FAM167A: variants seen among roughly 807,000 people sequenced by gnomAD.
FAM167A encodes the protein protein FAM167A.
In FAM167A, 23 loss-of-function variants were observed where a neutral mutation model predicts 14.9. The ratio of observed to expected loss-of-function variants is 1.55; its 90% CI spans 1.11 to 2.19. The LOEUF (loss-of-function observed/expected upper bound fraction) is 2.19, where lower values mean the gene tolerates loss of function less well. Ranked by LOEUF, FAM167A falls within the 30% of genes most tolerant of loss-of-function variation. The pLI, the probability that FAM167A is intolerant of heterozygous loss-of-function variation, is 0.00. For missense variants in FAM167A, 401 were observed against 281.5 expected, an observed-to-expected ratio of 1.42 and a Z score of -3.04; for synonymous variants, 174 against 117.7, an observed-to-expected ratio of 1.48 and a Z score of -3.10.
chr8:11,459,757 C>T (rs1807465352), intron 1 of FAM167A, among the ~76,000 whole-genome samples: 1 of 152,210 alleles, frequency 6.6e-6, no homozygotes, highest in Admixed American at 6.5e-5. Flanking sequence ...TCTTCTCACC[C>T]AGGCTGGAAT....
Position 11,452,596 on chromosome 8 carries a change from C to T in FAM167A, c.-397-7788G>A, listed in dbSNP as rs1237990265. Among the ~76,000 whole-genome samples the T allele has an allele frequency of 2.0e-5, 3 of 152,220 alleles. No homozygotes were observed. The East Asian group carries it at 5.8e-4, about 29-fold the overall frequency. Reference sequence around the variant, plus strand: ...CTCCCTCCCTTCTCATCATCAGCCTCCACCCCACGAGGTTGCCTCGGGTCT... The same window carrying T: ...CTCCCTCCCTTCTCATCATCAGCCTTCACCCCACGAGGTTGCCTCGGGTCT... On this transcript the variant is annotated intron_variant, in intron 1 of 2. Transcript: ENST00000284486.
chr8:11,438,006 C>T (rs1806150702), intron 2 of FAM167A: 3 of 360,474 alleles, frequency 8.3e-6, no homozygotes, highest in Non-Finnish European at 1.6e-5. Flanking sequence ...CACACCATGC[C>T]ACTGTGTTTA....
rs374453945 is a variant in FAM167A at position 11,443,108 on chromosome 8, G to A, written c.381+923C>T. Among the ~76,000 whole-genome samples the A allele has an allele frequency of 5.6e-4, 85 of 152,346 alleles. No homozygotes were observed. In the South Asian group the frequency reaches 0.014, roughly 25 times the overall value. ...TGTGGCCAGAGTGGCCTGACTCGCA[G>A]GTGTCACCTGGGCCTCAGGGACGGG... is the stretch of plus-strand genomic sequence containing the variant. On this transcript the variant is annotated intron_variant, in intron 2 of 2. Coordinates refer to ENST00000284486, the MANE Select transcript of FAM167A (RefSeq NM_053279.3).
chr8:11,457,563 GCTT>G (rs1439497877), intron 1 of FAM167A, among the ~76,000 whole-genome samples: 1 of 152,108 alleles, frequency 6.6e-6, no homozygotes, highest in Non-Finnish European at 1.5e-5. Context: ...GCAGGCAGGG[GCTT>G]CCGAATTCTG....
chr8:11,444,078 C>T lies in FAM167A; in HGVS notation c.334G>A (p.Gly112Ser). 1 of 1,613,580 alleles carries T rather than the reference C, an allele frequency of 6.2e-7. No individual in the cohort carries two copies. ...ARPLSTGKLE[G>S]FQSIDEAIAW... is the part of the protein sequence containing the mutation. ...ATAGCTTCATCGATGCTCTGAAAGC[C>T]TTCCAGCTTGCCAGTGGACAGGGGT... Residue 112 changes from glycine to serine, a missense_variant, in exon 2 of 3, where the codon GGC (glycine) becomes AGC (serine). Gly to Ser is a moderately conservative substitution (Grantham distance 56). Coordinates refer to ENST00000284486, the MANE Select transcript of FAM167A (RefSeq NM_053279.3).
upstream of FAM167A, chr8:11,466,867 C>A (rs1280517176): frequency 6.6e-6 from 1 of 152,236 alleles, no homozygotes; most frequent in Admixed American, 6.5e-5. Flanking sequence ...CCCGGCCTCG[C>A]GTTCTCGCCC....
intron 1 of FAM167A, chr8:11,446,754 T>G (rs1806802015): frequency 6.6e-6 from 1 of 152,232 alleles, no homozygotes. Flanking sequence ...GAGTCTCCTG[T>G]GCAGTTTCAC....
chr8:11,459,069 TTCTC>T (rs917184032), intron 1 of FAM167A, among the ~76,000 whole-genome samples: 2 of 152,262 alleles, frequency 1.3e-5, no homozygotes, highest in Non-Finnish European at 2.9e-5. Flanking sequence ...ATGACTACTT[TTCTC>T]TCTATCACCC....
Position 11,423,277 on chromosome 8 carries a change from G to A in FAM167A, c.*1096C>T, listed in dbSNP as rs922671993. ...TCTTAACTTGCTGATCCTCAAGCCT[G>A]TTGGGAGGGAGAAACTCTTAAAATC... On this transcript the variant is annotated 3_prime_UTR_variant, in exon 3 of 3. Transcript: ENST00000284486. 1 of 152,412 alleles carries A rather than the reference G, an allele frequency of 6.6e-6. No homozygotes were observed. The highest frequency in any genetic ancestry group is 2.4e-5 in the African/African-American group (1 of 41,456). The allele number at this position is 152,412 out of a possible 1,614,324, so 9.4% of individuals were successfully genotyped here.
At chr8:11,431,408 G>A (rs533964775) in intron 2 of FAM167A, among the ~76,000 whole-genome samples, 21 of 152,236 alleles carry the variant, frequency 1.4e-4, no homozygotes, top group South Asian at 8.3e-4. Flanking sequence ...GGGAGTTAGC[G>A]TTTAGTGAGC....
At chr8:11,437,590 C>T (rs1806115167) in intron 2 of FAM167A, among the ~76,000 whole-genome samples, 1 of 151,898 alleles carries the variant, frequency 6.6e-6, no homozygotes, top group African/African-American at 2.4e-5. Flanking sequence ...AGTTAATGAG[C>T]CAGTTGTATT....
intron 1 of FAM167A, among the ~76,000 whole-genome samples, chr8:11,448,127 G>A (rs751864593): frequency 3.3e-5 from 5 of 151,882 alleles, no homozygotes; most frequent in African/African-American, 4.8e-5. Context: ...CCAGGAGGCA[G>A]AGGTTGCAGT....
At chr8:11,472,446 T>C (rs1156629593), upstream of FAM167A, among the ~76,000 whole-genome samples, 1 of 148,764 alleles carries the variant, frequency 6.7e-6, no homozygotes, top group Non-Finnish European at 1.5e-5. Flanking sequence ...GGTTTTTTTT[T>C]TTTTTTTTTT....
At chr8:11,436,335 G>C (rs1323154363) in intron 2 of FAM167A, among the ~76,000 whole-genome samples, 2 of 152,236 alleles carry the variant, frequency 1.3e-5, no homozygotes, top group Non-Finnish European at 2.9e-5. Context: ...CCCCTGGAGA[G>C]CAAGTGGGGG....
chr8:11,470,618 C>T (rs965424927), upstream of FAM167A, among the ~76,000 whole-genome samples: 2 of 152,142 alleles, frequency 1.3e-5, no homozygotes, highest in Non-Finnish European at 2.9e-5. Flanking sequence ...TCTCCTGATC[C>T]CTTTTGAGTC....
At chr8:11,452,643 T>G (rs1184544854) in intron 1 of FAM167A, among the ~76,000 whole-genome samples, 1 of 152,128 alleles carries the variant, frequency 6.6e-6, no homozygotes. Flanking sequence ...CTGAAAGAGG[T>G]GCACTAACCC....
At chr8:11,431,883 G>A (rs1001524822) in intron 2 of FAM167A, among the ~76,000 whole-genome samples, 4 of 94,502 alleles carry the variant, frequency 4.2e-5, no homozygotes, top group Non-Finnish European at 7.7e-5. Flanking sequence ...GAGGGTACTG[G>A]ACCAATTGGC....
intron 1 of FAM167A, among the ~76,000 whole-genome samples, chr8:11,465,801 A>G (rs967816829): frequency 2.0e-5 from 3 of 152,202 alleles, no homozygotes; most frequent in Non-Finnish European, 4.4e-5. Context: ...TTCTCCAGCA[A>G]TGACGGGGAG....
chr8:11,469,509 G>A (rs750769075), upstream of FAM167A, among the ~76,000 whole-genome samples: 21 of 152,146 alleles, frequency 1.4e-4, no homozygotes, highest in African/African-American at 4.3e-4. Context: ...TCTTTCCGTT[G>A]GTGCATGATG....
Sources: allele counts gnomAD v4.1 joint callset (sites outside exome capture counted in the v4.1 genomes callset), GRCh38; gene constraint gnomAD v4.1.1; transcripts MANE v1.5; gene names NCBI Gene and HGNC (gene_info 2026-07-23, HGNC 2026-07-21).